The following PAX3 variants were observed in gnomAD, a reference collection of about 807,000 sequenced individuals.
PAX3 encodes the protein paired box 3, also known as paired box protein Pax-3.
In PAX3, 14 loss-of-function variants were observed where a neutral mutation model predicts 51.6. That is an observed-to-expected ratio of 0.27 (90% CI 0.18 to 0.42). The LOEUF is 0.42. Ranked by LOEUF, PAX3 falls within the 10% of genes least tolerant of loss-of-function variation. The probability of loss-of-function intolerance (pLI) is 1.00; values close to 1 mark genes in which losing one functional copy is unlikely to be tolerated. For missense variants in PAX3, 540 were observed against 642.8 expected, an observed-to-expected ratio of 0.84 and a Z score of 1.73; for synonymous variants, 280 against 253.4, an observed-to-expected ratio of 1.11 and a Z score of -1.00.
intron 4 of PAX3, among the ~76,000 whole-genome samples, chr2:222,287,082 G>A (rs1407372041): frequency 6.6e-6 from 1 of 152,212 alleles, no homozygotes; most frequent in Non-Finnish European, 1.5e-5. Context: ...TCTGCTTCCA[G>A]TAAAAGCTCA....
Position 222,244,424 on chromosome 2 carries a change from TC to T in PAX3, c.587-12142del, listed in dbSNP as rs531142812. On this transcript the variant is annotated intron_variant, in intron 4 of 8. Coordinates refer to ENST00000392070, the MANE Select transcript of PAX3 (RefSeq NM_181458.4). ...GCAAAGTAGGGTTTAAAACATCTGC[TC>T]CAAAGACTGGTTTTTAAGGAAAGGA... is the stretch of plus-strand genomic sequence containing the variant. Among the ~76,000 whole-genome samples the T allele has an allele frequency of 4.9e-3, 750 of 152,266 alleles. 4 individuals carry two copies. Among genetic ancestry groups the T allele is most frequent in the Non-Finnish European group, 8.1e-3 (552 of 68,028 alleles).
intron 4 of PAX3, among the ~76,000 whole-genome samples, chr2:222,274,826 T>G (rs1248076524): frequency 6.6e-6 from 1 of 152,200 alleles, no homozygotes; most frequent in African/African-American, 2.4e-5. Context: ...GCTATACAGT[T>G]ATCTTGCTAT....
intron 4 of PAX3, among the ~76,000 whole-genome samples, chr2:222,256,538 C>T (rs905262106): frequency 6.6e-6 from 1 of 152,058 alleles, no homozygotes; most frequent in African/African-American, 2.4e-5. Context: ...CCAAGTCCCT[C>T]GGCCCCAGAG....
intron 5 of PAX3, among the ~76,000 whole-genome samples, chr2:222,231,213 C>A (rs1365192528): frequency 6.6e-6 from 1 of 152,138 alleles, no homozygotes; most frequent in Non-Finnish European, 1.5e-5. Flanking sequence ...ACTGCTGAGT[C>A]CCCAGCCTGC....
In PAX3 at chr2:222,201,269, C is replaced by T. The variant is rs202242639; in HGVS notation, c.*139G>A. The T allele has an allele frequency of 4.6e-5, 74 of 1,613,892 alleles. No homozygotes were observed. Among genetic ancestry groups the T allele is most frequent in the South Asian group, 4.4e-4 (40 of 91,070 alleles). On this transcript the variant is annotated 3_prime_UTR_variant, in exon 9 of 9. Coordinates refer to ENST00000392070, the MANE Select transcript of PAX3 (RefSeq NM_181458.4). ...TTGGAGGAAGAAAATCAATCACTCTCCTTTGTCTCCTATTGGGACCACTGC... is the reference window on the plus strand; with the variant it reads ...TTGGAGGAAGAAAATCAATCACTCTTCTTTGTCTCCTATTGGGACCACTGC...
intron 4 of PAX3, among the ~76,000 whole-genome samples, chr2:222,247,646 A>T (rs1693277587): frequency 6.6e-6 from 1 of 152,072 alleles, no homozygotes; most frequent in African/African-American, 2.4e-5. Context: ...TCACATGATC[A>T]ACTCATTTTT....
At chr2:222,221,133 G>T in intron 6 of PAX3, 89 bp downstream of exon 6, 1 of 1,208,238 alleles carries the variant, frequency 8.3e-7, no homozygotes, top group Non-Finnish European at 1.2e-6. Flanking sequence ...CATGGTGTCA[G>T]TACTGCAGAA....
At chr2:222,233,976 T>A (rs1423947234) in intron 4 of PAX3, among the ~76,000 whole-genome samples, 1 of 152,216 alleles carries the variant, frequency 6.6e-6, no homozygotes, top group Non-Finnish European at 1.5e-5. Context: ...TAATTCTCTT[T>A]TATCTTAAAC....
intron 4 of PAX3, among the ~76,000 whole-genome samples, chr2:222,259,642 C>CT (rs1246411438): frequency 6.6e-6 from 1 of 152,062 alleles, no homozygotes; most frequent in African/African-American, 2.4e-5. Flanking sequence ...GCATTCTTAC[C>CT]TTTTTTTCAT....
Position 222,200,720 on chromosome 2 carries a change from G to C in PAX3, c.*688C>G. ...GAAAGGGAAACAAGTCCTTCTTCCT[G>C]GTAGCCCATATCCTGTTAGCAAGAC... On this transcript the variant is annotated 3_prime_UTR_variant, in exon 9 of 9. Transcript: ENST00000392070. The C allele has an allele frequency of 7.9e-6, 2 of 253,028 alleles. No individual in the cohort carries two copies. Among genetic ancestry groups the C allele is most frequent in the Non-Finnish European group, 1.5e-5 (2 of 129,330 alleles). 15.7% of individuals were successfully genotyped at this position (253,028 alleles called of 1,614,324 possible). A position where few individuals can be genotyped will look rare whatever the true frequency, so the allele number is the denominator to read the frequency against.
At chr2:222,282,395 C>A (rs1694678074) in intron 4 of PAX3, among the ~76,000 whole-genome samples, 1 of 152,010 alleles carries the variant, frequency 6.6e-6, no homozygotes, top group African/African-American at 2.4e-5. Context: ...TTGAAAAAAA[C>A]ATAAAAAGTC....
intron 4 of PAX3, chr2:222,264,748 C>T (rs535533513): frequency 9.8e-5 from 15 of 152,306 alleles, no homozygotes; most frequent in African/African-American, 3.6e-4. Context: ...GTGCATCAGG[C>T]TCTGTTCTTT....
At chr2:222,292,259 TG>T (rs1239610829) in intron 4 of PAX3, among the ~76,000 whole-genome samples, 2 of 152,160 alleles carry the variant, frequency 1.3e-5, no homozygotes, top group Admixed American at 6.5e-5. Flanking sequence ...CAGCCTTTTG[TG>T]GTGCTGTTTT....
intron 4 of PAX3, among the ~76,000 whole-genome samples, chr2:222,282,101 G>A (rs1047225475): frequency 4.6e-5 from 7 of 151,998 alleles, no homozygotes; most frequent in Non-Finnish European, 8.8e-5. Context: ...TAAATCCTTC[G>A]CCCCTAACTT....
chr2:222,232,377 A>G, intron 4 of PAX3, 94 bp from the exon 5 acceptor site: 2 of 1,021,406 alleles, frequency 2.0e-6, no homozygotes. Context: ...GCAAGACACC[A>G]TTACAGTGAT....
At chr2:222,201,577 A>G in intron 8 of PAX3, 135 bp from the exon 9 acceptor site, 1 of 1,376,630 alleles carries the variant, frequency 7.3e-7, no homozygotes, top group Non-Finnish European at 1.0e-6. Context: ...TTTATTCCTG[A>G]GACAAGTTTG....
At chr2:222,218,641 G>A (rs533921944) in intron 7 of PAX3, among the ~76,000 whole-genome samples, 31 of 152,242 alleles carry the variant, frequency 2.0e-4, no homozygotes, top group African/African-American at 6.5e-4. Flanking sequence ...CCATGAATCT[G>A]GGTATTTTAA....
At chr2:222,201,824 A>AT in intron 8 of PAX3, 120 bp downstream of exon 8, 1 of 1,593,694 alleles carries the variant, frequency 6.3e-7, no homozygotes, top group South Asian at 1.1e-5. Context: ...TTGCAAAAAA[A>AT]AAAAAAAATT....
At chr2:222,210,224 T>C (rs1161736895) in intron 7 of PAX3, among the ~76,000 whole-genome samples, 1 of 152,172 alleles carries the variant, frequency 6.6e-6, no homozygotes, top group Non-Finnish European at 1.5e-5. Context: ...CCTAGCAAAA[T>C]AAAATCTTTG....
Sources: allele counts gnomAD v4.1 joint callset (sites outside exome capture counted in the v4.1 genomes callset), GRCh38; gene constraint gnomAD v4.1.1; transcripts MANE v1.5; gene names NCBI Gene and HGNC (gene_info 2026-07-23, HGNC 2026-07-21).